Variants in MCC observed in about 807,000 individuals in gnomAD.
MCC encodes MCC regulator of Wnt signaling pathway.
In MCC, 90 loss-of-function variants were observed where a neutral mutation model predicts 116.2. The ratio of observed to expected loss-of-function variants is 0.77; its 90% CI spans 0.65 to 0.92. MCC has a LOEUF of 0.92. Ranked by LOEUF, MCC falls within the 40% of genes least tolerant of loss-of-function variation. The pLI is 0.00. For synonymous variants in MCC, 578 were observed against 510.5 expected, an observed-to-expected ratio of 1.13 and a Z score of -1.78; for missense variants, 1,516 against 1,312.2, an observed-to-expected ratio of 1.16 and a Z score of -2.40.
Position 113,488,348 on chromosome 5 carries a change from C to CACT in MCC, c.66_67insAGT (p.Ser22dup). On this transcript the variant is annotated inframe_insertion, in exon 1 of 19. Transcript: ENST00000408903. ...GTGTCGCTGCTGCTGCTGCTGCTGC[C>CACT]GCTGCCGCCGCCGCCGCCGCCGCTG... The CACT allele has an allele frequency of 1.4e-6, 2 of 1,446,756 alleles. No homozygotes were observed. Among genetic ancestry groups the CACT allele is most frequent in the East Asian group, 3.1e-5 (1 of 32,072 alleles). 89.6% of individuals were successfully genotyped at this position (1,446,756 alleles called of 1,614,324 possible). A position where few individuals can be genotyped will look rare whatever the true frequency, so the allele number is the denominator to read the frequency against.
At chr5:113,093,678 A>T (rs1755804392) in intron 8 of MCC, among the ~76,000 whole-genome samples, 1 of 152,100 alleles carries the variant, frequency 6.6e-6, no homozygotes, top group African/African-American at 2.4e-5. Context: ...GAGACAGGTC[A>T]GCTATGCGGA....
chr5:113,325,285 G>C (rs1437942678), intron 3 of MCC, among the ~76,000 whole-genome samples: 1 of 152,070 alleles, frequency 6.6e-6, no homozygotes, highest in Non-Finnish European at 1.5e-5. Context: ...GATATTATAG[G>C]GGCAGCGCTT....
chr5:113,355,009 G>A (rs1190742271), intron 2 of MCC, among the ~76,000 whole-genome samples: 2 of 151,888 alleles, frequency 1.3e-5, no homozygotes, highest in African/African-American at 2.4e-5. Flanking sequence ...ATATGTGTAT[G>A]CAGATGCATA....
At position 113,488,290 on chromosome 5, in the gene MCC, C is replaced by T. The variant is rs370355557; in HGVS notation, c.125G>A (p.Arg42His). Reference sequence around the variant, plus strand: ...GTCGCCGTCGCACGTCTGGAAGAGGCGCCGCATCCTCTCCTCCTCGCCGGT... The same window carrying T: ...GTCGCCGTCGCACGTCTGGAAGAGGTGCCGCATCCTCTCCTCCTCGCCGGT... ...SSTGEEERMR[R>H]LFQTCDGDGD... The change falls in exon 1 of 19, where the codon CGC (arginine) becomes CAC (histidine). Residue 42 changes from arginine (R) to histidine (H), a missense_variant. Transcript: ENST00000408903. 2.5e-6 allele frequency: 4 copies of T among 1,594,428 alleles called. No individual in the cohort carries two copies. Among genetic ancestry groups the T allele is most frequent in the Non-Finnish European group, 3.4e-6 (4 of 1,171,652 alleles).
chr5:113,294,264 G>A, intron 3 of MCC: 2 of 1,609,398 alleles, frequency 1.2e-6, no homozygotes, highest in Non-Finnish European at 1.7e-6. Flanking sequence ...AGGTCGAGGG[G>A]AGGGGGATTT....
At chr5:113,382,939 T>C (rs1182879112) in intron 2 of MCC, among the ~76,000 whole-genome samples, 6 of 152,196 alleles carry the variant, frequency 3.9e-5, no homozygotes, top group Non-Finnish European at 8.8e-5. Flanking sequence ...GGACATGTTT[T>C]ATGAATCACC....
intron 3 of MCC, among the ~76,000 whole-genome samples, chr5:113,252,475 T>A (rs1399792325): frequency 6.6e-6 from 1 of 152,184 alleles, no homozygotes; most frequent in Non-Finnish European, 1.5e-5. Context: ...ATCTAATGCC[T>A]TATGATCTGT....
intron 3 of MCC, among the ~76,000 whole-genome samples, chr5:113,335,312 T>C (rs1389275487): frequency 6.6e-6 from 1 of 151,794 alleles, no homozygotes; most frequent in East Asian, 1.9e-4. Flanking sequence ...ATCAACTTTC[T>C]GTTGTCCACA....
At chr5:113,181,584 G>T (rs1761630140) in intron 3 of MCC, among the ~76,000 whole-genome samples, 2 of 152,192 alleles carry the variant, frequency 1.3e-5, no homozygotes, top group Non-Finnish European at 2.9e-5. Flanking sequence ...TGTCAGAAAA[G>T]TGGGGTCAAA....
At position 113,068,161 on chromosome 5, in the gene MCC, C is replaced by T. The variant is rs1004884043; in HGVS notation, c.1948G>A (p.Glu650Lys). The T allele has an allele frequency of 3.7e-6, 6 of 1,614,004 alleles. No individual in the cohort carries two copies. Among genetic ancestry groups the T allele is most frequent in the African/African-American group, 1.3e-5 (1 of 74,916 alleles). The change falls in exon 13 of 19, where the codon GAA (glutamate) becomes AAA (lysine). Residue 650 changes from glutamate to lysine, a missense_variant. Physicochemically the swap from Glu to Lys is moderately conservative, Grantham distance 56. Coordinates refer to ENST00000408903, the MANE Select transcript of MCC (RefSeq NM_001085377.2). ...QYSEQCIEAY[E>K]LLLALAESEQ... Reference sequence around the variant, plus strand: ...CTCTCTGCCAGCGCCAGGAGGAGTTCGTAGGCTTCGATGCACTGCTCGCTG... The same window carrying T: ...CTCTCTGCCAGCGCCAGGAGGAGTTTGTAGGCTTCGATGCACTGCTCGCTG...
At chr5:113,226,009 T>C (rs985825148) in intron 3 of MCC, among the ~76,000 whole-genome samples, 3 of 152,186 alleles carry the variant, frequency 2.0e-5, no homozygotes, top group Non-Finnish European at 4.4e-5. Context: ...CCTGTCTCTA[T>C]TAAAAATACA....
At chr5:113,058,851 G>A (rs1338371438) in intron 14 of MCC, among the ~76,000 whole-genome samples, 1 of 152,220 alleles carries the variant, frequency 6.6e-6, no homozygotes, top group Non-Finnish European at 1.5e-5. Flanking sequence ...GAGAGAAGGT[G>A]GCCACTTTCC....
chr5:113,462,604 C>A (rs1487401222), intron 1 of MCC, among the ~76,000 whole-genome samples: 1 of 152,108 alleles, frequency 6.6e-6, no homozygotes, highest in Middle Eastern at 3.2e-3. Flanking sequence ...ACCCCAACAG[C>A]AATTTGTTCT....
At chr5:113,469,606 T>C (rs995457452) in intron 1 of MCC, among the ~76,000 whole-genome samples, 2 of 152,194 alleles carry the variant, frequency 1.3e-5, no homozygotes, top group African/African-American at 2.4e-5. Context: ...CTTCCAACTA[T>C]GTGGTCAATT....
At chr5:113,182,321 T>C (rs146441757) in intron 3 of MCC, among the ~76,000 whole-genome samples, 3 of 152,246 alleles carry the variant, frequency 2.0e-5, no homozygotes, top group Non-Finnish European at 4.4e-5. Context: ...CCCAGTGTTC[T>C]AATGTGGTTA....
intron 11 of MCC, among the ~76,000 whole-genome samples, chr5:113,075,588 G>C (rs543570216): frequency 2.0e-5 from 3 of 152,330 alleles, no homozygotes; most frequent in Admixed American, 1.3e-4. Flanking sequence ...CTCAAGGTTT[G>C]TAAATGCACC....
In MCC at chr5:113,275,696, T is replaced by C. The variant is rs151167757; in HGVS notation, c.627+64823A>G. Among the ~76,000 whole-genome samples, 506 of 152,304 alleles carry C rather than the reference T, an allele frequency of 3.3e-3. 2 individuals carry two copies. Among genetic ancestry groups the C allele is most frequent in the African/African-American group, 0.012 (493 of 41,546 alleles). ...AAGAAACAAGACAGTATAACAACTA[T>C]TTACATAGCATTCACACTGTATTAG... On this transcript the variant is annotated intron_variant, in intron 3 of 18. Transcript: ENST00000408903.
intron 2 of MCC, among the ~76,000 whole-genome samples, chr5:113,368,696 T>C (rs184279551): frequency 3.3e-4 from 50 of 152,208 alleles, no homozygotes; most frequent in Admixed American, 9.8e-4. Flanking sequence ...TGTGGGGATG[T>C]TTCCCCACCA....
chr5:113,125,519 C>A (rs1757995942), intron 5 of MCC, among the ~76,000 whole-genome samples: 1 of 152,168 alleles, frequency 6.6e-6, no homozygotes, highest in African/African-American at 2.4e-5. Flanking sequence ...CATGGAGCTG[C>A]ATATCCTTAT....
Sources: allele counts gnomAD v4.1 joint callset (sites outside exome capture counted in the v4.1 genomes callset), GRCh38; gene constraint gnomAD v4.1.1; transcripts MANE v1.5; gene names NCBI Gene and HGNC (gene_info 2026-07-23, HGNC 2026-07-21).